The following CASQ1 variants were observed in gnomAD, a reference collection of about 807,000 sequenced individuals.
The protein encoded by CASQ1 is calsequestrin 1, also known as calsequestrin-1.
A neutral mutation model predicts 49.5 loss-of-function variants in CASQ1; 40 were observed. That is an observed-to-expected ratio of 0.81 (90% CI 0.63 to 1.05). The LOEUF (loss-of-function observed/expected upper bound fraction) is 1.05, where lower values mean the gene tolerates loss of function less well. Ranked by LOEUF, CASQ1 falls within the 50% of genes least tolerant of loss-of-function variation. CASQ1 has a pLI of 0.00. For missense variants in CASQ1, 469 were observed against 486.9 expected, an observed-to-expected ratio of 0.96 and a Z score of 0.35; for synonymous variants, 174 against 187.2, an observed-to-expected ratio of 0.93 and a Z score of 0.58.
At chr1:160,192,206 T>G (rs1310381646) in intron 1 of CASQ1, among the ~76,000 whole-genome samples, 8 of 151,586 alleles carry the variant, frequency 5.3e-5, no homozygotes, top group Non-Finnish European at 1.2e-4. Context: ...TGGGCCCTGA[T>G]GGGGAGAACT....
chr1:160,194,810 C>T (rs1011187356), intron 3 of CASQ1, among the ~76,000 whole-genome samples: 7 of 150,596 alleles, frequency 4.6e-5, no homozygotes, highest in Non-Finnish European at 7.4e-5. Context: ...ATCACATGCA[C>T]ACACACACCA....
intron 5 of CASQ1, 53 bp from the exon 6 acceptor site, chr1:160,195,844 C>G: frequency 1.3e-6 from 2 of 1,586,440 alleles, no homozygotes; most frequent in South Asian, 1.1e-5. Context: ...TACTGCTTCT[C>G]GACATGACCC....
intron 7 of CASQ1, 45 bp downstream of exon 7, chr1:160,197,659 G>C: frequency 1.5e-6 from 2 of 1,361,448 alleles, no homozygotes; most frequent in Non-Finnish European, 2.1e-6. Context: ...AAGCATGGGT[G>C]CCAGAAGACT....
Position 160,197,602 on chromosome 1 carries a change from G to A in CASQ1, c.816G>A (p.Met272Ile). ...TGAGGAAACTGAAGCCGGAGAGTAT[G>A]TATGAGACCTGGGTGAGTGCCCCTG... ...STLRKLKPES[M>I]YETWEDDMDG... is the part of the protein sequence containing the mutation. Residue 272 changes from methionine (M) to isoleucine (I), a missense_variant, in exon 7 of 11, where the codon ATG becomes ATA. Coordinates refer to ENST00000368078, the MANE Select transcript of CASQ1 (RefSeq NM_001231.5). The A allele has an allele frequency of 6.2e-7, 1 of 1,611,144 alleles. No homozygotes were observed. Among genetic ancestry groups the A allele is most frequent in the Non-Finnish European group, 8.5e-7 (1 of 1,177,246 alleles).
chr1:160,198,905 C>T (rs1654305045), intron 8 of CASQ1, 48 bp from the exon 9 acceptor site: 1 of 1,281,058 alleles, frequency 7.8e-7, no homozygotes. Context: ...CACCTGGGTC[C>T]CTTTCCTCTC....
At position 160,196,068 on chromosome 1, in the gene CASQ1, C is replaced by T. The variant is rs753459322; in HGVS notation, c.782+41C>T. On this transcript the variant is annotated intron_variant, in intron 6 of 10. Coordinates refer to ENST00000368078, the MANE Select transcript of CASQ1 (RefSeq NM_001231.5). Reference sequence around the variant, plus strand: ...AACCCTCTCAGCGGGGTCGGCTCCTCCTTGGGCTAGAACACACTGTGTGAG... The same window carrying T: ...AACCCTCTCAGCGGGGTCGGCTCCTTCTTGGGCTAGAACACACTGTGTGAG... The T allele has an allele frequency of 1.5e-5, 24 of 1,605,554 alleles. No individual in the cohort carries two copies. In the African/African-American group the frequency reaches 2.3e-4, roughly 15 times the overall value.
Position 160,195,498 on chromosome 1 carries a change from T to C in CASQ1, c.615T>C (p.His205=), listed in dbSNP as rs1654198516. 6.2e-7 allele frequency: 1 copy of C among 1,613,882 alleles called. No individual in the cohort carries two copies. Among genetic ancestry groups the C allele is most frequent in the African/African-American group, 1.3e-5 (1 of 74,860 alleles). ...KAFEDAAEEF[H]PYIPFFATFD... is the part of the protein sequence containing the mutation. ...TCGAGGATGCAGCTGAGGAGTTTCA[T>C]CCCTACATCCCCTTCTTCGCCACCT... The change falls in exon 5 of 11, where the codon CAT becomes CAC. Residue 205 remains histidine (H), a synonymous_variant. Transcript: ENST00000368078.
intron 1 of CASQ1, 34 bp from the exon 2 acceptor site, chr1:160,192,768 A>AG: frequency 6.3e-7 from 1 of 1,586,020 alleles, no homozygotes; most frequent in Non-Finnish European, 8.7e-7. Flanking sequence ...TAAAAATTCC[A>AG]GGGGCTAATT....
intron 4 of CASQ1, 60 bp downstream of exon 4, chr1:160,195,183 C>A: frequency 9.8e-7 from 1 of 1,023,834 alleles, no homozygotes; most frequent in Non-Finnish European, 1.5e-6. Flanking sequence ...CCTGTCCTCC[C>A]ACCTCCCCAC....
At chr1:160,191,058 G>A (rs927336336) in intron 1 of CASQ1, 28 bp downstream of exon 1, 3 of 1,609,930 alleles carry the variant, frequency 1.9e-6, no homozygotes, top group Non-Finnish European at 2.5e-6. Flanking sequence ...CAGGCCTGCA[G>A]AGCATGTCTA....
intron 3 of CASQ1, among the ~76,000 whole-genome samples, chr1:160,194,406 C>A (rs1654159257): frequency 6.7e-6 from 1 of 150,120 alleles, no homozygotes; most frequent in Non-Finnish European, 1.5e-5. Flanking sequence ...AGATACCACA[C>A]ACTATGCATA....
chr1:160,196,841 G>T (rs1654254010), intron 6 of CASQ1, among the ~76,000 whole-genome samples: 1 of 152,192 alleles, frequency 6.6e-6, no homozygotes, highest in Non-Finnish European at 1.5e-5. Context: ...GCGTGGCGAG[G>T]TGGGCATAGG....
chr1:160,194,157 C>A (rs1420444017), intron 3 of CASQ1, among the ~76,000 whole-genome samples: 2 of 146,312 alleles, frequency 1.4e-5, no homozygotes, highest in Non-Finnish European at 3.0e-5. Flanking sequence ...CATATACATA[C>A]CACACACCCA....
At chr1:160,198,200 G>A (rs1425190859) in intron 7 of CASQ1, 1 of 158,656 alleles carries the variant, frequency 6.3e-6, no homozygotes, top group Admixed American at 6.0e-5. Context: ...CTTGGAAAAA[G>A]GTCACCATCA....
intron 9 of CASQ1, among the ~76,000 whole-genome samples, chr1:160,199,356 A>C (rs1654318502): frequency 1.3e-5 from 2 of 152,116 alleles, no homozygotes; most frequent in South Asian, 4.1e-4. Flanking sequence ...GGGTATACAC[A>C]CTCAATCATA....
chr1:160,201,590 G>T lies in CASQ1; in HGVS notation c.*214G>T. The T allele has an allele frequency of 1.7e-6, 1 of 589,884 alleles. No homozygotes were observed. The allele number at this position is 589,884 out of a possible 1,614,324, so 36.5% of individuals were successfully genotyped here. A position where few individuals can be genotyped will look rare whatever the true frequency, so the allele number is the denominator to read the frequency against. On this transcript the variant is annotated 3_prime_UTR_variant, in exon 11 of 11. Coordinates refer to ENST00000368078, the MANE Select transcript of CASQ1 (RefSeq NM_001231.5). ...ACACCAGGCCAGCTCTCTCTTATCT[G>T]ACTTCTGTTTCTTATCCCATAACTT...
At chr1:160,197,294 T>A (rs1006290208) in intron 6 of CASQ1, among the ~76,000 whole-genome samples, 5 of 152,212 alleles carry the variant, frequency 3.3e-5, no homozygotes, top group Non-Finnish European at 7.3e-5. Flanking sequence ...AGTGAATGAA[T>A]GAATAAATTA....
intron 7 of CASQ1, among the ~76,000 whole-genome samples, 176 bp downstream of exon 7, chr1:160,197,790 G>A (rs920937668): frequency 1.3e-5 from 2 of 151,566 alleles, no homozygotes; most frequent in African/African-American, 4.8e-5. Flanking sequence ...AGGCCAAGGT[G>A]GGTGGATCAC....
rs560693488 is a variant in CASQ1 at position 160,198,601 on chromosome 1, G to C, written c.829-76G>C. The stretch of plus-strand genomic sequence containing the variant: ...GAGGTTCAATGAACATCTAGGATCT[G>C]TTCTGGGCTCCTCAACTTCAGGGAG... On this transcript the variant is annotated intron_variant, in intron 7 of 10. Transcript: ENST00000368078. 570 of 1,063,546 alleles carry C rather than the reference G, an allele frequency of 5.4e-4. 5 individuals are homozygous for C. In the South Asian group the frequency reaches 6.5e-3, roughly 12 times the overall value. 65.9% of individuals were successfully genotyped at this position (1,063,546 alleles called of 1,614,324 possible).
Sources: allele counts gnomAD v4.1 joint callset (sites outside exome capture counted in the v4.1 genomes callset), GRCh38; gene constraint gnomAD v4.1.1; transcripts MANE v1.5; gene names NCBI Gene and HGNC (gene_info 2026-07-23, HGNC 2026-07-21).